POLR3A: variants seen among roughly 807,000 people sequenced by gnomAD.
The protein encoded by POLR3A is RNA polymerase III subunit A.
Under a neutral mutation model 152.8 loss-of-function variants are expected in POLR3A, and 112 were observed. The observed-to-expected ratio is 0.73, with a 90% CI of 0.63 to 0.86. The LOEUF (loss-of-function observed/expected upper bound fraction) is 0.86. POLR3A is among the 40% of genes least tolerant of loss of function. POLR3A has a pLI of 0.00. For missense variants in POLR3A, 1,385 were observed against 1,743.1 expected, an observed-to-expected ratio of 0.79 and a Z score of 3.66; for synonymous variants, 615 against 652.1, an observed-to-expected ratio of 0.94 and a Z score of 0.87.
At chr10:78,027,471 A>AG (rs1847648057) in intron 1 of POLR3A, among the ~76,000 whole-genome samples, 1 of 152,196 alleles carries the variant, frequency 6.6e-6, no homozygotes, top group Non-Finnish European at 1.5e-5. Flanking sequence ...CATCCTGGCT[A>AG]ACATGGTGAA....
intron 23 of POLR3A, 93 bp downstream of exon 23, chr10:77,985,810 G>A (rs1589304393): frequency 1.1e-6 from 1 of 930,244 alleles, no homozygotes; most frequent in Non-Finnish European, 1.8e-6. Flanking sequence ...GTTAACAAGT[G>A]AGCTGGTGCA....
At chr10:77,982,931 C>T (rs561586808) in intron 26 of POLR3A, 114 bp from the exon 27 acceptor site, 31 of 830,116 alleles carry the variant, frequency 3.7e-5, no homozygotes, top group Middle Eastern at 2.3e-4. Flanking sequence ...ACCCCCCACC[C>T]GCACCATGAA....
rs761466928 is a variant in POLR3A, at chr10:78,010,557, C to A, written c.1573-17G>T. 2.5e-6 allele frequency: 4 copies of A among 1,603,066 alleles called. No homozygotes were observed. Among genetic ancestry groups the A allele is most frequent in the Admixed American group, 1.7e-5 (1 of 59,968 alleles). On this transcript the variant is annotated splice_polypyrimidine_tract_variant and intron_variant, in intron 11 of 30. Transcript: ENST00000372371. ...TGCTTTAGTCTGTAGGAAAAGTAAG[C>A]GCAGTCAGTTAGCTGTTCTCGGATG...
intron 27 of POLR3A, 104 bp from the exon 28 acceptor site, chr10:77,982,422 T>A: frequency 8.8e-7 from 1 of 1,142,636 alleles, no homozygotes; most frequent in Non-Finnish European, 1.3e-6. Context: ...GTTAACACAC[T>A]AGAGCTAGTT....
rs776291067 is a variant in POLR3A, at chr10:78,009,621, C to T, written c.1825G>A (p.Asp609Asn). The T allele has an allele frequency of 3.7e-6, 6 of 1,614,142 alleles. No homozygotes were observed. Among genetic ancestry groups the T allele is most frequent in the South Asian group, 2.2e-5 (2 of 91,088 alleles). The part of the protein sequence containing the change: ...QIFSVILRPS[D>N]DNPVRANLRT... ...AGGTTGGCCCTCACTGGATTGTCAT[C>T]GCTAGGCCTGAGGATGACACTGAAG... Residue 609 changes from aspartate (D) to asparagine (N), a missense_variant, in exon 14 of 31, where the codon GAT (aspartate) becomes AAT (asparagine). Around this residue, in one of 7 missense-constraint regions of POLR3A, gnomAD observed 188 missense variants for 179.9 expected, o/e 1.04. Transcript: ENST00000372371.
rs199904242 is a variant in POLR3A, at chr10:78,017,640, C to T, written c.1366G>A (p.Asp456Asn). Residue 456 changes from aspartate (D) to asparagine (N), a missense_variant, in exon 10 of 31, where the codon GAT becomes AAT. Physicochemically the swap from Asp to Asn is conservative, Grantham distance 23 (BLOSUM62 1). This residue lies in a region of POLR3A where 493 missense variants were observed against 647.5 expected (regional missense o/e 0.76). Transcript: ENST00000372371. ...YGDIVERHLI[D>N]GDVVLFNRQP... ...CGATTGAACAGCACCACATCTCCAT[C>T]GATGAGGTGTCTCTCTACGATGTCA... 3.3e-5 allele frequency: 54 copies of T among 1,613,324 alleles called. No individual in the cohort carries two copies. The Admixed American group carries it at 6.0e-4, about 18-fold the overall frequency.
At chr10:77,985,095 T>G in intron 24 of POLR3A, 75 bp downstream of exon 24, 1 of 1,205,442 alleles carries the variant, frequency 8.3e-7, no homozygotes, top group Non-Finnish European at 1.2e-6. Context: ...CACATATGCA[T>G]GTGACACGGG....
At chr10:77,994,737 G>A (rs2131938035) in intron 19 of POLR3A, among the ~76,000 whole-genome samples, 1 of 152,282 alleles carries the variant, frequency 6.6e-6, no homozygotes, top group South Asian at 2.1e-4. Flanking sequence ...AAAACACTCT[G>A]CAGGATGTTA....
At chr10:78,015,031 C>T (rs1299737678) in intron 10 of POLR3A, among the ~76,000 whole-genome samples, 3 of 152,116 alleles carry the variant, frequency 2.0e-5, no homozygotes, top group Admixed American at 2.0e-4. Flanking sequence ...AAACAAACCA[C>T]AAAAAGACAA....
intron 11 of POLR3A, among the ~76,000 whole-genome samples, chr10:78,010,835 T>C (rs1057090833): frequency 1.3e-5 from 2 of 151,846 alleles, no homozygotes; most frequent in African/African-American, 4.9e-5. Flanking sequence ...TCTACCCATG[T>C]AAGAAGATTT....
At chr10:78,019,527 G>A (rs562904437) in intron 8 of POLR3A, 72 of 524,406 alleles carry the variant, frequency 1.4e-4, no homozygotes, top group East Asian at 6.3e-4. Context: ...TTCCTCACTG[G>A]TAAAACGGGT....
chr10:77,986,575 T>G lies in POLR3A; in HGVS notation c.2902-416A>C, dbSNP rs370733969. Among the ~76,000 whole-genome samples, 22 of 152,252 alleles carry G rather than the reference T, an allele frequency of 1.4e-4. No homozygotes were observed. In the East Asian group the frequency reaches 1.5e-3, roughly 11 times the overall value. Reference sequence around the variant, plus strand: ...TTTTGAGGGTTTCTTCTGAAGGTATTATGCTCAGTTTAAATACTACCAACT... The same window carrying G: ...TTTTGAGGGTTTCTTCTGAAGGTATGATGCTCAGTTTAAATACTACCAACT... On this transcript the variant is annotated intron_variant, in intron 21 of 30. Transcript: ENST00000372371.
intron 11 of POLR3A, 195 bp downstream of exon 11, chr10:78,013,455 T>C (rs1847486024): frequency 3.2e-6 from 2 of 629,596 alleles, no homozygotes; most frequent in Non-Finnish European, 5.6e-6. Context: ...TATACTATAA[T>C]TTCTAAGAGA....
At chr10:77,993,910 C>T (rs1009361791) in intron 19 of POLR3A, among the ~76,000 whole-genome samples, 6 of 152,180 alleles carry the variant, frequency 3.9e-5, no homozygotes, top group Non-Finnish European at 8.8e-5. Context: ...CTGAACACTC[C>T]AGCCAGCAAT....
chr10:78,004,282 C>T (rs1847388745), intron 16 of POLR3A, among the ~76,000 whole-genome samples: 1 of 151,950 alleles, frequency 6.6e-6, no homozygotes, highest in African/African-American at 2.4e-5. Flanking sequence ...AAAAACCAAA[C>T]CCCCAAAAAC....
chr10:78,017,863 AG>A (rs1476332672), intron 9 of POLR3A, 147 bp from the exon 10 acceptor site: 1 of 937,506 alleles, frequency 1.1e-6, no homozygotes, highest in Non-Finnish European at 1.6e-6. Flanking sequence ...TTATGTGCCA[AG>A]AAAAAAGCTC....
intron 5 of POLR3A, among the ~76,000 whole-genome samples, chr10:78,023,409 T>G (rs1847599405): frequency 6.6e-6 from 1 of 151,670 alleles, no homozygotes; most frequent in Admixed American, 6.6e-5. Flanking sequence ...GCAGTGAGCC[T>G]AGATCGTGCA....
At chr10:78,029,220 G>T in intron 1 of POLR3A, 144 bp downstream of exon 1, 1 of 830,346 alleles carries the variant, frequency 1.2e-6, no homozygotes. Context: ...AACGCTGGTA[G>T]TTCTGGGCGC....
intron 19 of POLR3A, among the ~76,000 whole-genome samples, chr10:77,999,093 T>C (rs1380222713): frequency 6.6e-6 from 1 of 151,978 alleles, no homozygotes; most frequent in African/African-American, 2.4e-5. Flanking sequence ...TAGGTGGAAA[T>C]TGAACAATGA....
Sources: allele counts gnomAD v4.1 joint callset (sites outside exome capture counted in the v4.1 genomes callset), GRCh38; gene constraint gnomAD v4.1.1; regional missense constraint gnomAD v4.1.1; transcripts MANE v1.5; gene names NCBI Gene and HGNC (gene_info 2026-07-23, HGNC 2026-07-21).